CUL3: variants seen among roughly 807,000 people sequenced by gnomAD.
CUL3 encodes cullin 3, also known as cullin-3.
Under a neutral mutation model 89.1 loss-of-function variants are expected in CUL3, and 19 were observed. The ratio of observed to expected loss-of-function variants is 0.21; its 90% CI spans 0.15 to 0.31. The LOEUF is 0.31. Ranked by LOEUF, CUL3 falls within the 10% of genes least tolerant of loss-of-function variation. The probability of loss-of-function intolerance (pLI) is 1.00; values close to 1 mark genes in which losing one functional copy is unlikely to be tolerated. For missense variants in CUL3, 469 were observed against 942.3 expected (o/e 0.50, Z 6.58); for synonymous variants, 351 against 308.4 (o/e 1.14, Z -1.45).
chr2:224,550,863 A>T (rs887820073), intron 2 of CUL3, among the ~76,000 whole-genome samples: 17 of 152,084 alleles, frequency 1.1e-4, no homozygotes, highest in Non-Finnish European at 7.4e-5. Context: ...TCTTGCTTAA[A>T]ATCCTTAAAT....
chr2:224,579,218 C>A (rs1211430021), intron 1 of CUL3, among the ~76,000 whole-genome samples: 1 of 152,118 alleles, frequency 6.6e-6, no homozygotes, highest in Non-Finnish European at 1.5e-5. Context: ...TACTGGCTGT[C>A]CCAAAACTAT....
intron 2 of CUL3, among the ~76,000 whole-genome samples, chr2:224,540,395 C>T (rs1694058136): frequency 6.7e-6 from 1 of 149,190 alleles, no homozygotes; most frequent in African/African-American, 2.5e-5. Flanking sequence ...AAAAACCAAA[C>T]TTTATATTTA....
rs146885292 is a variant in CUL3 at position 224,533,485 on chromosome 2, G to GGGA, written c.378+2040_378+2042dup. The stretch of plus-strand genomic sequence containing the variant: ...AAAAAAGAAAAAAGAAAGAAAAAAA[G>GGGA]GGAGGAGGAGGACTGAAACAAAACA... On this transcript the variant is annotated intron_variant, in intron 3 of 15. Coordinates refer to ENST00000264414, the MANE Select transcript of CUL3 (RefSeq NM_003590.5). 1.4e-3 allele frequency among the ~76,000 whole-genome samples: 217 copies of GGGA among 152,228 alleles called. 3 individuals are homozygous for GGGA. The East Asian group carries it at 0.032, about 22-fold the overall frequency.
At chr2:224,530,926 AC>A (rs1250986548) in intron 3 of CUL3, among the ~76,000 whole-genome samples, 4 of 152,034 alleles carry the variant, frequency 2.6e-5, no homozygotes, top group African/African-American at 4.8e-5. Context: ...AACCAAACAA[AC>A]AAAAAAACCC....
intron 9 of CUL3, 99 bp downstream of exon 9, chr2:224,503,553 C>T (rs1692478387): frequency 2.0e-6 from 2 of 1,013,504 alleles, no homozygotes; most frequent in African/African-American, 1.6e-5. Context: ...GAAATAAACA[C>T]TTAATAATCT....
intron 1 of CUL3, among the ~76,000 whole-genome samples, chr2:224,565,500 T>A (rs528286451): frequency 6.6e-6 from 1 of 152,214 alleles, no homozygotes; most frequent in African/African-American, 2.4e-5. Flanking sequence ...GCTTTTTCAT[T>A]CCTCTAAAAA....
chr2:224,582,393 G>A (rs1200095899), intron 1 of CUL3, among the ~76,000 whole-genome samples: 1 of 152,148 alleles, frequency 6.6e-6, no homozygotes, highest in African/African-American at 2.4e-5. Context: ...CACACGGTTA[G>A]TAAGATAAAT....
intron 3 of CUL3, among the ~76,000 whole-genome samples, chr2:224,516,258 C>G (rs1693040621): frequency 6.6e-6 from 1 of 151,736 alleles, no homozygotes; most frequent in Non-Finnish European, 1.5e-5. Context: ...CTTCACACTT[C>G]CATCCTCAAG....
intron 2 of CUL3, among the ~76,000 whole-genome samples, chr2:224,536,325 C>T (rs963539722): frequency 6.6e-6 from 1 of 152,200 alleles, no homozygotes; most frequent in Non-Finnish European, 1.5e-5. Flanking sequence ...GCTCGTCCCA[C>T]TCACTTTATT....
chr2:224,555,295 T>G (rs1023475141), intron 2 of CUL3, among the ~76,000 whole-genome samples: 14 of 152,172 alleles, frequency 9.2e-5, no homozygotes, highest in Non-Finnish European at 1.9e-4. Context: ...GCACTATAAT[T>G]CTCCCAGTAA....
At chr2:224,499,732 C>T in intron 11 of CUL3, 1 of 211,580 alleles carries the variant, frequency 4.7e-6, no homozygotes. Flanking sequence ...AATCAGCTCA[C>T]AGACAATGTC....
chr2:224,557,791 G>A lies in CUL3; in HGVS notation c.132C>T (p.Ile44=), dbSNP rs1212518379. ...TAAGACCACTGTTATTCTTACGCTG[G>A]ATTTCTTGAATTGCATTTTTCAGAA... The part of the protein sequence containing the change: ...WDLLKNAIQE[I]QRKNNSGLSF... The change falls in exon 2 of 16, where the codon ATC becomes ATT. Residue 44 remains isoleucine, a synonymous_variant. Coordinates refer to ENST00000264414, the MANE Select transcript of CUL3 (RefSeq NM_003590.5). 1.4e-6 allele frequency: 2 copies of A among 1,464,342 alleles called. No individual in the cohort carries two copies. The highest frequency in any genetic ancestry group is 3.0e-5 in the African/African-American group (2 of 65,938). 90.7% of individuals were successfully genotyped at this position (1,464,342 alleles called of 1,614,324 possible).
chr2:224,563,448 G>A, intron 1 of CUL3: 1 of 267,200 alleles, frequency 3.7e-6, no homozygotes, highest in Non-Finnish European at 7.5e-6. Flanking sequence ...TATACTGTGT[G>A]TGCACTTCTT....
intron 13 of CUL3, among the ~76,000 whole-genome samples, chr2:224,493,278 A>G (rs1164609805): frequency 1.3e-5 from 2 of 152,238 alleles, no homozygotes; most frequent in Non-Finnish European, 2.9e-5. Flanking sequence ...ACCTTCCTTT[A>G]AATTATTATA....
chr2:224,493,349 T>C (rs115758914), intron 13 of CUL3, among the ~76,000 whole-genome samples: 3 of 152,310 alleles, frequency 2.0e-5, no homozygotes, highest in Admixed American at 6.5e-5. Flanking sequence ...AAAGGCTAGC[T>C]AATAAAACAT....
At chr2:224,525,254 C>A (rs1341539836) in intron 3 of CUL3, among the ~76,000 whole-genome samples, 1 of 152,158 alleles carries the variant, frequency 6.6e-6, no homozygotes, top group African/African-American at 2.4e-5. Context: ...GTGGTGAAGA[C>A]CATGAGCTTT....
At chr2:224,542,061 AATT>A (rs1694128872) in intron 2 of CUL3, among the ~76,000 whole-genome samples, 1 of 152,172 alleles carries the variant, frequency 6.6e-6, no homozygotes, top group East Asian at 1.9e-4. Context: ...TAAAAATTTG[AATT>A]ATTATTTGAA....
intron 13 of CUL3, 32 bp from the exon 14 acceptor site, chr2:224,482,110 T>G (rs1384033332): frequency 6.5e-7 from 1 of 1,540,360 alleles, no homozygotes. Flanking sequence ...ATAATTAGAC[T>G]TTTTGAAAGA....
chr2:224,537,265 CAG>C (rs1693931190), intron 2 of CUL3, among the ~76,000 whole-genome samples: 2 of 152,024 alleles, frequency 1.3e-5, no homozygotes, highest in African/African-American at 2.4e-5. Context: ...ACTAAGAAAA[CAG>C]AATCTTTTCC....
Sources: allele counts gnomAD v4.1 joint callset (sites outside exome capture counted in the v4.1 genomes callset), GRCh38; gene constraint gnomAD v4.1.1; transcripts MANE v1.5; gene names NCBI Gene and HGNC (gene_info 2026-07-23, HGNC 2026-07-21).